TMPRSS9: variants seen among roughly 807,000 people sequenced by gnomAD.
The protein encoded by TMPRSS9 is transmembrane protease serine 9.
Under a neutral mutation model 111.4 loss-of-function variants are expected in TMPRSS9, and 113 were observed. The ratio of observed to expected loss-of-function variants is 1.01; its 90% CI spans 0.87 to 1.19. TMPRSS9 has a LOEUF of 1.19. Among genes scored for constraint, TMPRSS9 ranks in the 50% most tolerant of loss-of-function variants. TMPRSS9 has a pLI of 0.00. For synonymous variants in TMPRSS9, 805 were observed against 659.1 expected (o/e 1.22, Z -3.39); for missense variants, 1,803 against 1,513.1 (o/e 1.19, Z -3.18).
intron 10 of TMPRSS9, among the ~76,000 whole-genome samples, chr19:2,414,449 A>C (rs1450478693): frequency 6.6e-6 from 1 of 152,056 alleles, no homozygotes; most frequent in Non-Finnish European, 1.5e-5. Flanking sequence ...CATGTTGGTC[A>C]GGCTGGCCTC....
chr19:2,394,820 T>G (rs1970674114), intron 1 of TMPRSS9, among the ~76,000 whole-genome samples: 1 of 152,188 alleles, frequency 6.6e-6, no homozygotes, highest in Non-Finnish European at 1.5e-5. Context: ...TCTGGTAGTT[T>G]TAACGTATTT....
intron 1 of TMPRSS9, among the ~76,000 whole-genome samples, chr19:2,371,828 G>C (rs139039910): frequency 1.3e-5 from 2 of 152,152 alleles, no homozygotes; most frequent in Admixed American, 6.6e-5. Flanking sequence ...TCACCACCGC[G>C]TTGGGATGAG....
chr19:2,389,166 C>T (rs927555372), upstream of TMPRSS9, among the ~76,000 whole-genome samples: 7 of 150,370 alleles, frequency 4.7e-5, no homozygotes, highest in African/African-American at 1.5e-4. Flanking sequence ...CTCCGCCTCC[C>T]GGGTTCAAGC....
intron 9 of TMPRSS9, among the ~76,000 whole-genome samples, chr19:2,413,094 C>T (rs1971131128): frequency 6.6e-6 from 1 of 152,042 alleles, no homozygotes; most frequent in Non-Finnish European, 1.5e-5. Flanking sequence ...ACTTGGGAGG[C>T]TGAGGCAGGA....
chr19:2,424,251 T>C (rs1555681556), exon 15 of TMPRSS9: 1 of 1,385,480 alleles, frequency 7.2e-7, no homozygotes, highest in Non-Finnish European at 9.4e-7. Flanking sequence ...GCGCACTGCT[T>C]CGACGTGTGA....
At chr19:2,418,346 TTTCCCTCCCTCCCTCCCTTC>T (rs1971325209) in intron 13 of TMPRSS9, among the ~76,000 whole-genome samples, 1 of 29,108 alleles carries the variant, frequency 3.4e-5, no homozygotes, top group Non-Finnish European at 5.4e-5. Flanking sequence ...CTTCCCTCCC[TTTCCCTCCCTCCCTCCCTTC>T]CCTTCCCTCC....
intron 1 of TMPRSS9, among the ~76,000 whole-genome samples, chr19:2,379,625 CTT>C (rs985921274): frequency 7.1e-6 from 1 of 139,872 alleles, no homozygotes; most frequent in Non-Finnish European, 1.5e-5. Flanking sequence ...CTCTTTCTTT[CTT>C]TCTTTCTTTC....
chr19:2,415,211 C>T (rs1488188676), intron 10 of TMPRSS9, among the ~76,000 whole-genome samples: 4 of 152,070 alleles, frequency 2.6e-5, no homozygotes, highest in Non-Finnish European at 5.9e-5. Context: ...TCCCAAAGTG[C>T]TGGGATAACA....
intron 1 of TMPRSS9, among the ~76,000 whole-genome samples, chr19:2,383,228 C>A (rs1054382545): frequency 2.6e-5 from 4 of 151,856 alleles, no homozygotes; most frequent in African/African-American, 9.7e-5. Context: ...GTGGCAGGCA[C>A]CTGTAATCCC....
exon 10 of TMPRSS9, chr19:2,413,777 C>A: frequency 6.2e-7 from 1 of 1,613,862 alleles, no homozygotes; most frequent in Non-Finnish European, 8.5e-7. Flanking sequence ...GCTGGGGAAT[C>A]GGGTGTGCGG....
chr19:2,379,633 CTTTCTTTCTT>C (rs1970368179), intron 1 of TMPRSS9, among the ~76,000 whole-genome samples: 1 of 146,250 alleles, frequency 6.8e-6, no homozygotes, highest in African/African-American at 2.6e-5. Context: ...TTCTTTCTTT[CTTTCTTTCTT>C]TCTTTCTTTC....
At position 2,398,874 on chromosome 19, in the gene TMPRSS9, C is replaced by A. The variant is rs79675700; in HGVS notation, c.338+12C>A. 2.0e-6 allele frequency: 3 copies of A among 1,527,232 alleles called. No individual in the cohort carries two copies. In the Admixed American group the frequency reaches 5.9e-5, roughly 30 times the overall value. 94.6% of individuals were successfully genotyped at this position (1,527,232 alleles called of 1,614,324 possible). On this transcript the variant is annotated intron_variant, in intron 3 of 17. Transcript: ENST00000648592. ...GTACTGAATTATAGGTGAGTTGGAG[C>A]TTCCATTGGGTGAAGGAAACTTGGT...
chr19:2,420,246 C>G (rs1971432189), intron 13 of TMPRSS9, among the ~76,000 whole-genome samples: 1 of 152,078 alleles, frequency 6.6e-6, no homozygotes, highest in South Asian at 2.1e-4. Context: ...CAAGACTGGC[C>G]TGGCCAACAT....
At chr19:2,418,243 C>T in intron 13 of TMPRSS9, 105 bp downstream of exon 14, 1 of 1,332,610 alleles carries the variant, frequency 7.5e-7, no homozygotes, top group Non-Finnish European at 1.0e-6. Flanking sequence ...CCTTTCTTTC[C>T]TTCCCCCCCT....
In TMPRSS9 at chr19:2,382,649, GCACACATA is replaced by G. The variant is rs1568171780; in HGVS notation, c.-25-7104_-25-7097del. Among the ~76,000 whole-genome samples, 6 of 147,858 alleles carry G rather than the reference GCACACATA, an allele frequency of 4.1e-5. No homozygotes were observed. In the South Asian group the frequency reaches 1.3e-3, roughly 32 times the overall value. On this transcript the variant is annotated intron_variant, in intron 1 of 17. Transcript: ENST00000649857. ...GCACACGTACACACAGACCACACATGCACACATACACACATGCACACGTGCACACATAC... is the reference window on the plus strand; with the variant it reads ...GCACACGTACACACAGACCACACATGCACACATGCACACGTGCACACATAC...
At chr19:2,425,259 G>A (rs1276563900) in exon 16 of TMPRSS9, 72 of 1,359,998 alleles carry the variant, frequency 5.3e-5, no homozygotes, top group Non-Finnish European at 6.5e-5. Context: ...GGCTCGGTGC[G>A]CGAAGGAGGT....
rs761114877 is a variant in TMPRSS9, at chr19:2,391,065, CAGGT to C, written c.142+1142_142+1145del. On this transcript the variant is annotated intron_variant, in intron 1 of 17. Coordinates refer to ENST00000648592, the Ensembl canonical transcript of TMPRSS9. ...GGAGGGAGGGAGGGAGGCAGGCAGG[CAGGT>C]AGGCAGGAAGGAAGGAAGATAGCTG... 5.0e-3 allele frequency among the ~76,000 whole-genome samples: 746 copies of C among 148,038 alleles called. 10 individuals carry two copies. The highest frequency in any genetic ancestry group is 6.9e-3 in the Middle Eastern group (2 of 288).
intron 4 of TMPRSS9, 68 bp from the exon 6 acceptor site, chr19:2,401,907 C>T (rs1224030700): frequency 1.3e-5 from 19 of 1,487,626 alleles, no homozygotes; most frequent in Non-Finnish European, 1.7e-5. Context: ...CGCGCCCGGC[C>T]AATAGGATGT....
intron 13 of TMPRSS9, among the ~76,000 whole-genome samples, chr19:2,419,586 G>A (rs1297263838): frequency 6.6e-5 from 10 of 151,010 alleles, no homozygotes; most frequent in East Asian, 3.9e-4. Context: ...GCGTGATCTC[G>A]GCTCACTGCA....
Sources: gnomAD v4.1 joint callset for allele counts (sites outside exome capture counted in the v4.1 genomes callset) on GRCh38, gnomAD v4.1.1 for gene constraint, MANE v1.5 for transcripts, NCBI Gene and HGNC (gene_info 2026-07-23, HGNC 2026-07-21) for gene names.